The following HS3ST4 variants were observed in gnomAD, a reference collection of about 807,000 sequenced individuals.
The protein encoded by HS3ST4 is heparan sulfate glucosamine 3-O-sulfotransferase 4.
Under a neutral mutation model 29.2 loss-of-function variants are expected in HS3ST4, and 17 were observed. The ratio of observed to expected loss-of-function variants is 0.58; its 90% CI spans 0.40 to 0.87. The LOEUF is 0.87. Ranked by LOEUF, HS3ST4 falls within the 40% of genes least tolerant of loss-of-function variation. The probability of loss-of-function intolerance (pLI) is 0.00; values close to 1 mark genes in which losing one functional copy is unlikely to be tolerated. For synonymous variants in HS3ST4, 314 were observed against 285.7 expected (o/e 1.10, Z -1.00); for missense variants, 627 against 634.5 (o/e 0.99, Z 0.13).
chr16:25,828,280 CT>C (rs1567249413), intron 1 of HS3ST4, among the ~76,000 whole-genome samples: 1 of 89,238 alleles, frequency 1.1e-5, no homozygotes. Flanking sequence ...TTCTTTCTTT[CT>C]TTCTTTCTTT....
At chr16:25,765,647 TTTC>T (rs1288289526) in intron 1 of HS3ST4, among the ~76,000 whole-genome samples, 2 of 152,148 alleles carry the variant, frequency 1.3e-5, no homozygotes, top group Non-Finnish European at 1.5e-5. Flanking sequence ...CTTCAGAGCA[TTTC>T]TTGGTTAATT....
At chr16:26,032,309 T>C (rs1969538294) in intron 1 of HS3ST4, among the ~76,000 whole-genome samples, 2 of 151,930 alleles carry the variant, frequency 1.3e-5, no homozygotes, top group Non-Finnish European at 2.9e-5. Context: ...CTCTCAAAAC[T>C]AGAAGGGAAA....
At chr16:25,770,076 A>G (rs144094635) in intron 1 of HS3ST4, among the ~76,000 whole-genome samples, 4 of 152,276 alleles carry the variant, frequency 2.6e-5, no homozygotes, top group African/African-American at 9.6e-5. Flanking sequence ...ATTTCCAGTA[A>G]AGATCGTGGG....
rs1363510022 is a variant in HS3ST4 at position 25,756,179 on chromosome 16, CT to C, written c.734+63029del. On this transcript the variant is annotated intron_variant, in intron 1 of 1. Transcript: ENST00000331351. ...GCACACACACACACACACACACACC[CT>C]GCCTTATTCCTTTCTGTTACATGGT... is the stretch of plus-strand genomic sequence containing the variant. Among the ~76,000 whole-genome samples, 10 of 151,264 alleles carry C rather than the reference CT, an allele frequency of 6.6e-5. No individual in the cohort carries two copies. In the East Asian group the frequency reaches 2.0e-3, roughly 30 times the overall value.
intron 1 of HS3ST4, among the ~76,000 whole-genome samples, chr16:25,696,056 T>G (rs1162287820): frequency 2.0e-5 from 3 of 152,194 alleles, no homozygotes; most frequent in Non-Finnish European, 4.4e-5. Context: ...TGATCTAATG[T>G]GATATAAAAA....
intron 1 of HS3ST4, among the ~76,000 whole-genome samples, chr16:25,702,179 T>C (rs1384961044): frequency 1.3e-5 from 2 of 152,216 alleles, no homozygotes; most frequent in African/African-American, 4.8e-5. Context: ...GGTAGAATTA[T>C]TACTATTTGC....
chr16:25,724,138 T>A (rs760338794), intron 1 of HS3ST4, among the ~76,000 whole-genome samples: 128 of 117,672 alleles, frequency 1.1e-3, no homozygotes, highest in South Asian at 2.9e-3. Context: ...AAAAAAAAAA[T>A]CTACCACCTG....
chr16:25,799,797 G>T (rs569775477), intron 1 of HS3ST4, among the ~76,000 whole-genome samples: 1 of 151,280 alleles, frequency 6.6e-6, no homozygotes, highest in African/African-American at 2.5e-5. Context: ...GCTTAATGTT[G>T]ATAGTTCTGT....
chr16:25,763,833 C>A (rs1021191001), intron 1 of HS3ST4, among the ~76,000 whole-genome samples: 4 of 152,148 alleles, frequency 2.6e-5, no homozygotes, highest in African/African-American at 9.7e-5. Flanking sequence ...TTAAGGCAAG[C>A]AAGAGACTTG....
At chr16:25,801,978 C>CTT (rs58964023) in intron 1 of HS3ST4, among the ~76,000 whole-genome samples, 9,731 of 137,104 alleles carry the variant, frequency 0.071, 1,100 homozygotes, top group African/African-American at 0.25. Context: ...CAAATATTTT[C>CTT]TTTTTTTTTT....
chr16:26,114,159 TG>T (rs1899171395), intron 1 of HS3ST4, among the ~76,000 whole-genome samples: 1 of 152,044 alleles, frequency 6.6e-6, no homozygotes, highest in Admixed American at 6.6e-5. Flanking sequence ...GCAGGTGGTG[TG>T]GGGCAAGTGG....
Position 26,076,853 on chromosome 16 carries a change from T to C in HS3ST4, c.735-58759T>C, listed in dbSNP as rs760409703. ...CATGCACATTTTCTTTCAGCCACACTGGCCACTTTGTGATTTGCTGAATCT... is the reference window on the plus strand; with the variant it reads ...CATGCACATTTTCTTTCAGCCACACCGGCCACTTTGTGATTTGCTGAATCT... On this transcript the variant is annotated intron_variant, in intron 1 of 1. Coordinates refer to ENST00000331351, the MANE Select transcript of HS3ST4 (RefSeq NM_006040.3). Among the ~76,000 whole-genome samples, 52 of 152,242 alleles carry C rather than the reference T, an allele frequency of 3.4e-4. 1 individual carries two copies. Among genetic ancestry groups the C allele is most frequent in the Admixed American group, 9.2e-4 (14 of 15,286 alleles).
At position 26,089,173 on chromosome 16, in the gene HS3ST4, G is replaced by A. The variant is rs370311624; in HGVS notation, c.735-46439G>A. On this transcript the variant is annotated intron_variant, in intron 1 of 1. Transcript: ENST00000331351. The stretch of plus-strand genomic sequence containing the variant: ...CCACTGTGCTCCTAGAAGACTTGTT[G>A]CCAGAACCCCTCAGCACCTCACAAA... Among the ~76,000 whole-genome samples, 11 of 152,282 alleles carry A rather than the reference G, an allele frequency of 7.2e-5. No individual in the cohort carries two copies. In the East Asian group the frequency reaches 1.7e-3, roughly 24 times the overall value.
At chr16:25,787,878 G>A (rs911648412) in intron 1 of HS3ST4, among the ~76,000 whole-genome samples, 4 of 152,176 alleles carry the variant, frequency 2.6e-5, no homozygotes, top group Non-Finnish European at 4.4e-5. Context: ...GTGGAGGAAC[G>A]TAACCCCTGA....
chr16:25,921,789 C>G (rs1341733333), intron 1 of HS3ST4, among the ~76,000 whole-genome samples: 1 of 148,004 alleles, frequency 6.8e-6, no homozygotes, highest in African/African-American at 2.5e-5. Context: ...GGGTTCTGCT[C>G]TGTCACCCAG....
chr16:26,051,202 C>T (rs1898341791), intron 1 of HS3ST4, among the ~76,000 whole-genome samples: 1 of 152,134 alleles, frequency 6.6e-6, no homozygotes, highest in South Asian at 2.1e-4. Flanking sequence ...AATCTCCCTT[C>T]CTGTGGGGGT....
chr16:25,699,960 C>T (rs1319564025), intron 1 of HS3ST4, among the ~76,000 whole-genome samples: 1 of 152,086 alleles, frequency 6.6e-6, no homozygotes, highest in Non-Finnish European at 1.5e-5. Context: ...TTTTTCTTTT[C>T]TCTCTTACTC....
intron 1 of HS3ST4, among the ~76,000 whole-genome samples, chr16:25,848,010 C>A (rs1363954715): frequency 6.6e-6 from 1 of 152,092 alleles, no homozygotes; most frequent in Non-Finnish European, 1.5e-5. Context: ...ATGATTTCAA[C>A]AACTTTCTTT....
intron 1 of HS3ST4, among the ~76,000 whole-genome samples, chr16:25,972,411 G>A (rs1968907120): frequency 6.6e-6 from 1 of 152,222 alleles, no homozygotes; most frequent in Admixed American, 6.5e-5. Context: ...AACCAGTGCA[G>A]TTATTTTAGA....
Sources: gnomAD v4.1 joint callset for allele counts (sites outside exome capture counted in the v4.1 genomes callset) on GRCh38, gnomAD v4.1.1 for gene constraint, MANE v1.5 for transcripts, NCBI Gene and HGNC (gene_info 2026-07-23, HGNC 2026-07-21) for gene names.